The following KDM3A variants were observed in gnomAD, a reference collection of about 807,000 sequenced individuals.
KDM3A encodes the protein lysine demethylase 3A.
A neutral mutation model predicts 158.0 loss-of-function variants in KDM3A; 60 were observed. The observed-to-expected ratio is 0.38, with a 90% CI of 0.31 to 0.47. KDM3A has a LOEUF of 0.47. Ranked by LOEUF, KDM3A falls within the 20% of genes least tolerant of loss-of-function variation. The pLI is 0.99. For missense variants in KDM3A, 1,319 were observed against 1,574.3 expected, an observed-to-expected ratio of 0.84 and a Z score of 2.74; for synonymous variants, 608 against 549.3, an observed-to-expected ratio of 1.11 and a Z score of -1.49.
In KDM3A at chr2:86,457,059, A is replaced by G; in HGVS notation, c.831A>G (p.Lys277=). The G allele has an allele frequency of 6.3e-7, 1 of 1,586,006 alleles. No homozygotes were observed. The highest frequency in any genetic ancestry group is 8.6e-7 in the Non-Finnish European group (1 of 1,161,832). Residue 277 remains lysine (K), a synonymous_variant, in exon 8 of 26, where the codon AAA becomes AAG. Coordinates refer to ENST00000312912, the MANE Select transcript of KDM3A (RefSeq NM_018433.6). Reference sequence around the variant, plus strand: ...GAACCCTGGTTTCCAAACAAGCAAAATCTTGCTCTGAGGTAACCTTTATTT... The same window carrying G: ...GAACCCTGGTTTCCAAACAAGCAAAGTCTTGCTCTGAGGTAACCTTTATTT... The part of the protein sequence containing the change: ...NNGTLVSKQA[K]SCSEASPSMC...
At chr2:86,471,289 GTATATA>G (rs1205466896) in intron 11 of KDM3A, among the ~76,000 whole-genome samples, 1 of 150,094 alleles carries the variant, frequency 6.7e-6, no homozygotes, top group African/African-American at 2.5e-5. Flanking sequence ...GTGTATATAT[GTATATA>G]TGTGTGTATG....
intron 4 of KDM3A, among the ~76,000 whole-genome samples, chr2:86,453,243 C>T (rs371777078): frequency 6.6e-5 from 10 of 152,190 alleles, no homozygotes; most frequent in African/African-American, 2.4e-4. Context: ...ACTGGGAGAA[C>T]TATAATGTGT....
At position 86,453,066 on chromosome 2, in the gene KDM3A, A is replaced by G. The variant is rs1672534147; in HGVS notation, c.453+1853A>G. 2.0e-5 allele frequency among the ~76,000 whole-genome samples: 3 copies of G among 152,178 alleles called. No individual in the cohort carries two copies. The South Asian group carries it at 6.2e-4, about 31-fold the overall frequency. ...TCTTAGTGCTGTTTTCTGAATTTAC[A>G]TCTTTCCTGTATTTAAGGTTTTCAA... is the stretch of plus-strand genomic sequence containing the variant. On this transcript the variant is annotated intron_variant, in intron 4 of 25. Coordinates refer to ENST00000312912, the MANE Select transcript of KDM3A (RefSeq NM_018433.6).
At chr2:86,460,986 T>TA (rs1206623811) in intron 8 of KDM3A, among the ~76,000 whole-genome samples, 1 of 152,200 alleles carries the variant, frequency 6.6e-6, no homozygotes, top group East Asian at 1.9e-4. Flanking sequence ...AAAAGCACGC[T>TA]AAGTTGTGCT....
chr2:86,484,914 G>GT, intron 19 of KDM3A, 28 bp from the exon 20 acceptor site: 1 of 1,371,262 alleles, frequency 7.3e-7, no homozygotes, highest in Non-Finnish European at 1.0e-6. Context: ...ATTATAAATA[G>GT]TAATAGTTCA....
intron 4 of KDM3A, among the ~76,000 whole-genome samples, chr2:86,454,195 T>A (rs1672591827): frequency 6.6e-6 from 1 of 152,186 alleles, no homozygotes; most frequent in African/African-American, 2.4e-5. Context: ...CTGTGTGAAA[T>A]GAGTTGTTAA....
At chr2:86,467,157 CTA>C (rs1491575372) in intron 10 of KDM3A, among the ~76,000 whole-genome samples, 1 of 152,022 alleles carries the variant, frequency 6.6e-6, no homozygotes, top group Non-Finnish European at 1.5e-5. Flanking sequence ...GTGTAGGTGT[CTA>C]TTAGTATTTT....
intron 19 of KDM3A, 136 bp downstream of exon 19, chr2:86,484,294 C>T (rs1674080396): frequency 2.9e-6 from 2 of 682,320 alleles, no homozygotes; most frequent in Non-Finnish European, 5.0e-6. Context: ...GTCTCTCCTC[C>T]CCTTCCTTGT....
At chr2:86,486,027 G>T (rs1195594265) in intron 21 of KDM3A, among the ~76,000 whole-genome samples, 168 bp downstream of exon 21, 2 of 55,352 alleles carry the variant, frequency 3.6e-5, no homozygotes, top group Non-Finnish European at 7.5e-5. Context: ...ACATGTTTGT[G>T]TGTTTCTTTT....
At chr2:86,488,933 A>ATG (rs200117124) in intron 21 of KDM3A, 47 of 187,134 alleles carry the variant, frequency 2.5e-4, no homozygotes, top group South Asian at 1.2e-3. Flanking sequence ...TTCCAGGTTT[A>ATG]TGTGTGTGTG....
chr2:86,473,698 G>C (rs767621135), intron 11 of KDM3A, among the ~76,000 whole-genome samples: 3 of 152,122 alleles, frequency 2.0e-5, no homozygotes, highest in Non-Finnish European at 4.4e-5. Flanking sequence ...GCCATGAGCC[G>C]TAATCATACC....
upstream of KDM3A, among the ~76,000 whole-genome samples, chr2:86,438,993 C>T (rs1682542329): frequency 2.0e-5 from 3 of 152,066 alleles, no homozygotes; most frequent in South Asian, 4.1e-4. Context: ...AACTGGAGTA[C>T]ACTTAGGTTA....
chr2:86,479,800 T>C (rs1673835803), intron 15 of KDM3A: 1 of 169,288 alleles, frequency 5.9e-6, no homozygotes, highest in African/African-American at 2.4e-5. Context: ...CATTTATTCG[T>C]TTTTAACCAT....
intron 20 of KDM3A, 63 bp from the exon 21 acceptor site, chr2:86,485,666 G>T (rs1047255815): frequency 5.0e-5 from 80 of 1,590,880 alleles, no homozygotes; most frequent in Non-Finnish European, 6.5e-5. Context: ...AACAAAACAG[G>T]TTACACAATA....
At chr2:86,476,006 G>A (rs1367750081) in intron 12 of KDM3A, among the ~76,000 whole-genome samples, 1 of 152,200 alleles carries the variant, frequency 6.6e-6, no homozygotes, top group Non-Finnish European at 1.5e-5. Context: ...GCGAGTGCCT[G>A]GGACAACCAG....
chr2:86,472,776 A>G (rs946732417), intron 11 of KDM3A, among the ~76,000 whole-genome samples: 1 of 152,198 alleles, frequency 6.6e-6, no homozygotes. Flanking sequence ...GAAGGCTTTC[A>G]GCAGTTGACC....
chr2:86,440,102 C>T (rs1682609784), upstream of KDM3A, among the ~76,000 whole-genome samples: 1 of 152,108 alleles, frequency 6.6e-6, no homozygotes, highest in Non-Finnish European at 1.5e-5. Context: ...CCATTTCTGC[C>T]TTCTTTCAGC....
At chr2:86,440,492 T>A (rs1052122582), upstream of KDM3A, among the ~76,000 whole-genome samples, 7 of 152,310 alleles carry the variant, frequency 4.6e-5, no homozygotes, top group Admixed American at 4.6e-4. Flanking sequence ...AAAGTCACCT[T>A]CTCTTTCATC....
chr2:86,452,569 AACAC>A (rs528122172), intron 4 of KDM3A, among the ~76,000 whole-genome samples: 1 of 152,150 alleles, frequency 6.6e-6, no homozygotes, highest in African/African-American at 2.4e-5. Flanking sequence ...CACGCATACA[AACAC>A]ACACATTATA....
Sources: allele counts gnomAD v4.1 joint callset (sites outside exome capture counted in the v4.1 genomes callset), GRCh38; gene constraint gnomAD v4.1.1; transcripts MANE v1.5; gene names NCBI Gene and HGNC (gene_info 2026-07-23, HGNC 2026-07-21).